Variants in RAB12 observed in about 807,000 individuals in gnomAD.
RAB12 encodes the protein RAB12, member RAS oncogene family.
RAB12 carries 11 observed loss-of-function variants against 28.4 expected under a neutral mutation model. The observed-to-expected ratio is 0.39, with a 90% CI of 0.24 to 0.64. RAB12 has a LOEUF of 0.64. Among genes scored for constraint, RAB12 ranks in the 30% least tolerant of loss-of-function variants. The pLI, the probability that RAB12 is intolerant of heterozygous loss-of-function variation, is 0.50. For synonymous variants in RAB12, 138 were observed against 145.3 expected, an observed-to-expected ratio of 0.95 and a Z score of 0.36; for missense variants, 276 against 351.1, an observed-to-expected ratio of 0.79 and a Z score of 1.71.
At chr18:8,636,209 T>C in intron 4 of RAB12, 44 bp from the exon 5 acceptor site, 1 of 1,349,354 alleles carries the variant, frequency 7.4e-7, no homozygotes, top group Non-Finnish European at 1.1e-6. Flanking sequence ...CACGCTGGTC[T>C]GTGAGGCCCC....
At chr18:8,618,622 G>A (rs2096008008) in intron 1 of RAB12, among the ~76,000 whole-genome samples, 1 of 151,950 alleles carries the variant, frequency 6.6e-6, no homozygotes, top group Admixed American at 6.5e-5. Context: ...CCGTTCTCCT[G>A]CCTCAGCCTC....
intron 1 of RAB12, among the ~76,000 whole-genome samples, chr18:8,621,346 C>A (rs1184339291): frequency 6.6e-6 from 1 of 152,102 alleles, no homozygotes; most frequent in Non-Finnish European, 1.5e-5. Flanking sequence ...AATGTTTAGT[C>A]ATGTACTTTG....
At position 8,638,552 on chromosome 18, in the gene RAB12, T is replaced by G. The variant is rs570281976; in HGVS notation, c.*290T>G. 2.8e-5 allele frequency: 7 copies of G among 252,974 alleles called. No individual in the cohort carries two copies. The highest frequency in any genetic ancestry group is 5.3e-5 in the Non-Finnish European group (7 of 132,192). 15.7% of individuals were successfully genotyped at this position (252,974 alleles called of 1,614,324 possible). On this transcript the variant is annotated 3_prime_UTR_variant, in exon 6 of 6. Transcript: ENST00000649141. The stretch of plus-strand genomic sequence containing the variant: ...ATGGGAGAAATGAAAGGTATAATGT[T>G]TCTTGAAATAAATAATATAATTGTC...
chr18:8,624,515 G>T (rs970327484), intron 1 of RAB12, among the ~76,000 whole-genome samples: 13 of 152,080 alleles, frequency 8.5e-5, no homozygotes, highest in African/African-American at 3.1e-4. Flanking sequence ...TCAGACTAAG[G>T]CTATTTGACT....
chr18:8,638,053 A>T, intron 5 of RAB12, 96 bp from the exon 6 acceptor site: 1 of 726,846 alleles, frequency 1.4e-6, no homozygotes, highest in Non-Finnish European at 2.4e-6. Context: ...GCTGTGTATA[A>T]GTGGACCTGT....
chr18:8,611,341 C>A (rs1408703916), intron 1 of RAB12, among the ~76,000 whole-genome samples: 1 of 152,052 alleles, frequency 6.6e-6, no homozygotes, highest in African/African-American at 2.4e-5. Context: ...TTTATGGCTC[C>A]GTACTTCAGT....
intron 1 of RAB12, among the ~76,000 whole-genome samples, chr18:8,618,758 C>T (rs778242468): frequency 2.0e-5 from 3 of 152,166 alleles, no homozygotes; most frequent in Admixed American, 6.5e-5. Flanking sequence ...GTGATCCACC[C>T]GCCTTGGCCT....
intron 2 of RAB12, among the ~76,000 whole-genome samples, chr18:8,627,333 A>G (rs924759746): frequency 1.3e-5 from 2 of 152,218 alleles, no homozygotes. Context: ...CCGATTTTCT[A>G]GACTGGCATG....
chr18:8,617,906 C>T (rs570594699), intron 1 of RAB12, among the ~76,000 whole-genome samples: 1 of 152,324 alleles, frequency 6.6e-6, no homozygotes, highest in East Asian at 1.9e-4. Flanking sequence ...AATGAATATA[C>T]ACTGCAATAA....
chr18:8,634,984 TG>T (rs2148711899), intron 3 of RAB12, among the ~76,000 whole-genome samples: 1 of 152,328 alleles, frequency 6.6e-6, no homozygotes, highest in East Asian at 1.9e-4. Flanking sequence ...TATAGAAATT[TG>T]GAAAATGAAG....
chr18:8,611,927 CTG>C (rs2096004059), intron 1 of RAB12, among the ~76,000 whole-genome samples: 1 of 152,342 alleles, frequency 6.6e-6, no homozygotes, highest in Middle Eastern at 3.4e-3. Context: ...GTGCTTCTAA[CTG>C]TGGGATGTTC....
Position 8,633,423 on chromosome 18 carries a change from T to G in RAB12, c.714+96T>G, listed in dbSNP as rs1598313886. 2.2e-6 allele frequency: 3 copies of G among 1,388,220 alleles called. No individual in the cohort carries two copies. In the East Asian group the frequency reaches 6.9e-5, roughly 32 times the overall value. The allele number at this position is 1,388,220 out of a possible 1,614,324, so 86.0% of individuals were successfully genotyped here. A position where few individuals can be genotyped will look rare whatever the true frequency, so the allele number is the denominator to read the frequency against. On this transcript the variant is annotated intron_variant, in intron 3 of 5. Coordinates refer to ENST00000649141, the MANE Select transcript of RAB12 (RefSeq NM_001025300.3). ...GGGGAAACACATGTATTGAGCATGT[T>G]TTCATATAGACTAAACATCATTTAG...
intron 1 of RAB12, among the ~76,000 whole-genome samples, chr18:8,615,535 G>T (rs1424188215): frequency 1.3e-5 from 2 of 152,218 alleles, no homozygotes; most frequent in Non-Finnish European, 1.5e-5. Context: ...GTGTGGTTTT[G>T]CTCCATCTGG....
rs1243852269 is a variant in RAB12, at chr18:8,639,146, T to G, written c.*884T>G. 2.0e-5 allele frequency: 2 copies of G among 102,560 alleles called. No individual in the cohort carries two copies. Among genetic ancestry groups the G allele is most frequent in the African/African-American group, 8.5e-5 (2 of 23,408 alleles). The allele number at this position is 102,560 out of a possible 1,614,324, so 6.4% of individuals were successfully genotyped here. A position where few individuals can be genotyped will look rare whatever the true frequency, so the allele number is the denominator to read the frequency against. ...TATTCTGATTAAGCCTAGACTGTGT[T>G]CTTTTTTTTTTTTTTTTTTTTTTTT... On this transcript the variant is annotated 3_prime_UTR_variant, in exon 6 of 6. Coordinates refer to ENST00000649141, the MANE Select transcript of RAB12 (RefSeq NM_001025300.3).
intron 1 of RAB12, among the ~76,000 whole-genome samples, chr18:8,620,831 T>C (rs981930437): frequency 6.6e-6 from 1 of 152,004 alleles, no homozygotes; most frequent in African/African-American, 2.4e-5. Context: ...GGCCAAGAAC[T>C]GGAACATAGA....
intron 1 of RAB12, among the ~76,000 whole-genome samples, chr18:8,615,182 G>A (rs532732764): frequency 6.6e-6 from 1 of 152,296 alleles, no homozygotes; most frequent in Non-Finnish European, 1.5e-5. Context: ...GGAGGGGTCC[G>A]AGAAACGGGT....
rs2096020573 is a variant in RAB12 at position 8,639,037 on chromosome 18, C to T, written c.*775C>T. 6.6e-6 allele frequency: 1 copy of T among 150,722 alleles called. No homozygotes were observed. Among genetic ancestry groups the T allele is most frequent in the Non-Finnish European group, 1.5e-5 (1 of 67,898 alleles). The allele number at this position is 150,722 out of a possible 1,614,324, so 9.3% of individuals were successfully genotyped here. ...AGGAATTTTAAAGAGATGCATTTTA[C>T]TATATCAAAGAACATACGTGTATTT... On this transcript the variant is annotated 3_prime_UTR_variant, in exon 6 of 6. Coordinates refer to ENST00000649141, the MANE Select transcript of RAB12 (RefSeq NM_001025300.3).
chr18:8,632,862 T>G (rs767913664), intron 2 of RAB12: 12 of 260,172 alleles, frequency 4.6e-5, no homozygotes, highest in Non-Finnish European at 7.9e-5. Context: ...CATCATATAT[T>G]TTGATGTTAT....
intron 1 of RAB12, among the ~76,000 whole-genome samples, chr18:8,612,775 A>G (rs942594615): frequency 2.6e-5 from 4 of 152,174 alleles, no homozygotes; most frequent in African/African-American, 9.7e-5. Flanking sequence ...GGCTCACACA[A>G]TCTTCCTGCC....
Sources: allele counts gnomAD v4.1 joint callset (sites outside exome capture counted in the v4.1 genomes callset), GRCh38; gene constraint gnomAD v4.1.1; transcripts MANE v1.5; gene names NCBI Gene and HGNC (gene_info 2026-07-23, HGNC 2026-07-21).